The following FMC1 variants were observed in gnomAD, a reference collection of about 807,000 sequenced individuals.
The protein encoded by FMC1 is protein FMC1 homolog.
A neutral mutation model predicts 10.5 loss-of-function variants in FMC1; 6 were observed. The observed-to-expected ratio is 0.57, with a 90% CI of 0.31 to 1.12. The LOEUF is 1.12. FMC1 is among the 50% of genes most tolerant of loss of function. The pLI, the probability that FMC1 is intolerant of heterozygous loss-of-function variation, is 0.05. For synonymous variants in FMC1, 59 were observed against 62.1 expected, an observed-to-expected ratio of 0.95 and a Z score of 0.24; for missense variants, 146 against 151.7, an observed-to-expected ratio of 0.96 and a Z score of 0.20.
At chr7:139,343,438 G>A (rs1419088332) in intron 1 of FMC1, among the ~76,000 whole-genome samples, 2 of 151,562 alleles carry the variant, frequency 1.3e-5, no homozygotes, top group Non-Finnish European at 2.9e-5. Context: ...TTATCCAGGC[G>A]TGATGGCCCA....
rs907369419 is a variant in FMC1, at chr7:139,345,851, A to T, written c.*147A>T. ...CTTAGGGGAATTAACTGGACATTTC[A>T]TCTTTACTCTCAGTGAATTTACTGA... is the stretch of plus-strand genomic sequence containing the variant. On this transcript the variant is annotated 3_prime_UTR_variant, in exon 2 of 2. Coordinates refer to ENST00000297534, the MANE Select transcript of FMC1 (RefSeq NM_197964.5). 9.3e-6 allele frequency: 8 copies of T among 862,830 alleles called. No homozygotes were observed. Among genetic ancestry groups the T allele is most frequent in the Non-Finnish European group, 1.0e-5 (6 of 601,084 alleles). The allele number at this position is 862,830 out of a possible 1,614,324, so 53.4% of individuals were successfully genotyped here. A position where few individuals can be genotyped will look rare whatever the true frequency, so the allele number is the denominator to read the frequency against.
intron 1 of FMC1, 60 bp downstream of exon 1, chr7:139,341,582 G>T: frequency 6.3e-7 from 1 of 1,582,168 alleles, no homozygotes. Flanking sequence ...GCCGGGTCTG[G>T]GCTAGGGTGG....
In FMC1 at chr7:139,341,848, T is replaced by G. The variant is rs952768248; in HGVS notation, c.138+326T>G. Among the ~76,000 whole-genome samples, 3 of 152,160 alleles carry G rather than the reference T, an allele frequency of 2.0e-5. No individual in the cohort carries two copies. In the South Asian group the frequency reaches 6.2e-4, roughly 32 times the overall value. ...CAGGAAAGTGGAATGGAGGATTCAATGCTGGGGATAAAACAATGAAGATGG... is the reference window on the plus strand; with the variant it reads ...CAGGAAAGTGGAATGGAGGATTCAAGGCTGGGGATAAAACAATGAAGATGG... On this transcript the variant is annotated intron_variant, in intron 1 of 1. Transcript: ENST00000297534.
chr7:139,340,780 A>G (rs892774696), upstream of FMC1, among the ~76,000 whole-genome samples: 31 of 151,000 alleles, frequency 2.1e-4, no homozygotes, highest in African/African-American at 5.1e-4. Context: ...GTGGCCTGTG[A>G]CTTTTGTCCT....
upstream of FMC1, among the ~76,000 whole-genome samples, chr7:139,340,831 CTTT>C (rs112287672): frequency 6.9e-6 from 1 of 145,208 alleles, no homozygotes; most frequent in African/African-American, 2.5e-5. Flanking sequence ...GCCAACTTTA[CTTT>C]TTTTTTTTTT....
chr7:139,343,653 G>T (rs761130064), intron 1 of FMC1, among the ~76,000 whole-genome samples: 7 of 152,156 alleles, frequency 4.6e-5, no homozygotes, highest in Non-Finnish European at 8.8e-5. Context: ...AAGGGGATTA[G>T]GCCAGGAGCG....
At chr7:139,341,740 G>C (rs1028320332) in intron 1 of FMC1, among the ~76,000 whole-genome samples, 5 of 152,178 alleles carry the variant, frequency 3.3e-5, no homozygotes, top group Admixed American at 1.3e-4. Context: ...GAGTCGCTCT[G>C]GGGACGTCAG....
rs751714776 is a variant in FMC1 at position 139,341,342 on chromosome 7, C to T, written c.-43C>T. ...GGGCCGGAGGAGGGGTTTTCAGGGT[C>T]GTAGGACGCCGTTGGGCACCACGCT... On this transcript the variant is annotated 5_prime_UTR_variant, in exon 1 of 2. Transcript: ENST00000297534. The T allele has an allele frequency of 4.4e-6, 7 of 1,583,934 alleles. No homozygotes were observed. Among genetic ancestry groups the T allele is most frequent in the Non-Finnish European group, 6.0e-6 (7 of 1,160,004 alleles).
At chr7:139,342,123 AG>A (rs1189392041) in intron 1 of FMC1, among the ~76,000 whole-genome samples, 2 of 152,154 alleles carry the variant, frequency 1.3e-5, no homozygotes, top group African/African-American at 4.8e-5. Context: ...AGTTTTTAAA[AG>A]GTGGCAACGT....
chr7:139,341,345 A>AGGAC lies in FMC1; in HGVS notation c.-38_-35dup. 1.3e-6 allele frequency: 2 copies of AGGAC among 1,586,350 alleles called. No homozygotes were observed. Among genetic ancestry groups the AGGAC allele is most frequent in the Non-Finnish European group, 1.7e-6 (2 of 1,161,004 alleles). On this transcript the variant is annotated 5_prime_UTR_variant, in exon 1 of 2. Coordinates refer to ENST00000297534, the MANE Select transcript of FMC1 (RefSeq NM_197964.5). ...CCGGAGGAGGGGTTTTCAGGGTCGT[A>AGGAC]GGACGCCGTTGGGCACCACGCTCGG...
upstream of FMC1, chr7:139,340,517 G>A (rs539257512): frequency 5.5e-5 from 22 of 398,500 alleles, no homozygotes; most frequent in South Asian, 2.8e-3. Context: ...CAGTTTCGAG[G>A]GTAAAGCCTT....
At chr7:139,341,236 CA>C, upstream of FMC1, 1 of 1,376,008 alleles carries the variant, frequency 7.3e-7, no homozygotes, top group Non-Finnish European at 9.6e-7. Flanking sequence ...AAGGTTCGGT[CA>C]ACGGACAAGT....
upstream of FMC1, chr7:139,340,679 G>T (rs764912495): frequency 2.3e-5 from 9 of 394,612 alleles, no homozygotes; most frequent in South Asian, 1.4e-4. Context: ...AATATGTTGT[G>T]TGAGCGCGTC....
chr7:139,341,718 G>GC (rs111891482), intron 1 of FMC1, among the ~76,000 whole-genome samples, 196 bp downstream of exon 1: 8 of 145,950 alleles, frequency 5.5e-5, no homozygotes, highest in Non-Finnish European at 1.1e-4. Flanking sequence ...AGGACCAGCG[G>GC]GGGGGGGCGC....
upstream of FMC1, chr7:139,341,045 C>T (rs186975421): frequency 8.6e-6 from 2 of 231,294 alleles, no homozygotes; most frequent in South Asian, 2.3e-4. Flanking sequence ...CCCACACCCC[C>T]CGCCGGGCCC....
At chr7:139,341,320 C>G (rs1254625980), upstream of FMC1, 1 of 1,551,640 alleles carries the variant, frequency 6.4e-7, no homozygotes. Context: ...GGCGCCTGGG[C>G]CGGAGGAGGG....
intron 1 of FMC1, 34 bp downstream of exon 1, chr7:139,341,556 T>TGGGGAGGGAGGAAGAGCCGGGTCTG: frequency 6.3e-7 from 1 of 1,599,772 alleles, no homozygotes; most frequent in South Asian, 1.1e-5. Flanking sequence ...CTCTACGTGC[T>TGGGGAGGGAGGAAGAGCCGGGTCTG]GGGGAGGGAG....
At position 139,345,833 on chromosome 7, in the gene FMC1, G is replaced by T. The variant is rs1045965987; in HGVS notation, c.*129G>T. On this transcript the variant is annotated 3_prime_UTR_variant, in exon 2 of 2. Coordinates refer to ENST00000297534, the MANE Select transcript of FMC1 (RefSeq NM_197964.5). ...TAATTTTGTTTACTAGTTCTTAGGG[G>T]AATTAACTGGACATTTCATCTTTAC... is the stretch of plus-strand genomic sequence containing the variant. 2 of 965,244 alleles carry T rather than the reference G, an allele frequency of 2.1e-6. No individual in the cohort carries two copies. Among genetic ancestry groups the T allele is most frequent in the African/African-American group, 1.7e-5 (1 of 60,226 alleles). 59.8% of individuals were successfully genotyped at this position (965,244 alleles called of 1,614,324 possible). A position where few individuals can be genotyped will look rare whatever the true frequency, so the allele number is the denominator to read the frequency against.
intron 1 of FMC1, among the ~76,000 whole-genome samples, chr7:139,344,687 TTTTC>T (rs1272525412): frequency 1.5e-5 from 2 of 136,688 alleles, no homozygotes; most frequent in African/African-American, 3.2e-5. Flanking sequence ...AAGTTTTCAA[TTTTC>T]TTTCTTTTTT....
Sources: gnomAD v4.1 joint callset for allele counts (sites outside exome capture counted in the v4.1 genomes callset) on GRCh38, gnomAD v4.1.1 for gene constraint, MANE v1.5 for transcripts, NCBI Gene and HGNC (gene_info 2026-07-23, HGNC 2026-07-21) for gene names.